Variants in PHC2 observed in about 807,000 individuals in gnomAD.
The protein encoded by PHC2 is polyhomeotic homolog 2, also known as polyhomeotic-like protein 2.
In PHC2, 29 loss-of-function variants were observed where a neutral mutation model predicts 87.4. That is an observed-to-expected ratio of 0.33 (90% confidence interval 0.25 to 0.45). The LOEUF is 0.45. Among genes scored for constraint, PHC2 ranks in the 20% least tolerant of loss-of-function variants. PHC2 has a pLI of 1.00. For synonymous variants in PHC2, 438 were observed against 461.7 expected, an observed-to-expected ratio of 0.95 and a Z score of 0.66; for missense variants, 857 against 1,136.7, an observed-to-expected ratio of 0.75 and a Z score of 3.54.
In PHC2 at chr1:33,370,542, C is replaced by T. The variant is rs1201944638; in HGVS notation, c.455G>A (p.Arg152Gln). 1.1e-5 allele frequency: 18 copies of T among 1,613,766 alleles called. No homozygotes were observed. The highest frequency in any genetic ancestry group is 5.3e-5 in the African/African-American group (4 of 74,918). Residue 152 changes from arginine to glutamine, a missense_variant, in exon 5 of 15, where the codon CGG (arginine) becomes CAG (glutamine). Arg to Gln is a conservative substitution (Grantham distance 43). Transcript: ENST00000683057. ...TGCTGCAGAGTTCACACTCTGGGCC[C>T]GGTTGAGGAGCTGGGCTGCTGCTGG... Reference protein sequence around the residue: ...ASPAAAQLLNRAQSVNSAAAS... With the variant: ...ASPAAAQLLNQAQSVNSAAAS...
At chr1:33,387,354 T>C (rs1648816144) in intron 1 of PHC2, among the ~76,000 whole-genome samples, 2 of 152,204 alleles carry the variant, frequency 1.3e-5, no homozygotes, top group African/African-American at 4.8e-5. Flanking sequence ...CCCTTGGAGT[T>C]TCCCTTTACA....
chr1:33,328,863 G>GCCTT lies in PHC2; in HGVS notation c.2425+3_2425+6dup. On this transcript the variant is annotated splice_region_variant and intron_variant, in intron 14 of 14. Coordinates refer to ENST00000683057, the MANE Select transcript of PHC2 (RefSeq NM_001385109.1). The stretch of plus-strand genomic sequence containing the variant: ...CCGGGGAGACATGGAATTTCCAAGG[G>GCCTT]CCTTACCTGGCAGAGAGCGGATGAA... The GCCTT allele has an allele frequency of 5.0e-6, 8 of 1,599,746 alleles. No individual in the cohort carries two copies. The highest frequency in any genetic ancestry group is 6.8e-6 in the Non-Finnish European group (8 of 1,168,794).
At chr1:33,398,958 G>A (rs1031551822) in intron 1 of PHC2, among the ~76,000 whole-genome samples, 6 of 152,078 alleles carry the variant, frequency 3.9e-5, no homozygotes, top group South Asian at 2.1e-4. Flanking sequence ...AAAAAGACAC[G>A]GTTTCTTTCT....
intron 1 of PHC2, among the ~76,000 whole-genome samples, chr1:33,402,392 G>A (rs919486467): frequency 6.6e-6 from 1 of 152,110 alleles, no homozygotes; most frequent in African/African-American, 2.4e-5. Context: ...TCACAATAGA[G>A]TTGAACATAC....
chr1:33,402,965 C>T (rs1042272491), intron 1 of PHC2, among the ~76,000 whole-genome samples: 5 of 151,818 alleles, frequency 3.3e-5, no homozygotes, highest in Admixed American at 1.3e-4. Flanking sequence ...CCTGCCACCA[C>T]GCCCGACTTT....
Position 33,324,652 on chromosome 1 carries a change from T to A in PHC2, c.*213A>T, listed in dbSNP as rs144481598. ...CAATATTTACAAGCATAAAGCCCCA[T>A]CTTCTGTGCCACCTACCTCTCTGCC... On this transcript the variant is annotated 3_prime_UTR_variant, in exon 15 of 15. Transcript: ENST00000683057. The A allele has an allele frequency of 7.6e-5, 37 of 487,084 alleles. 1 individual carries two copies. In the East Asian group the frequency reaches 1.0e-3, roughly 14 times the overall value. 30.2% of individuals were successfully genotyped at this position (487,084 alleles called of 1,614,324 possible).
intron 9 of PHC2, among the ~76,000 whole-genome samples, chr1:33,335,996 G>GT (rs200111745): frequency 0.093 from 13,576 of 146,426 alleles, 879 homozygotes; most frequent in East Asian, 0.26. Context: ...TGTTGTTGTT[G>GT]TTTTTTTTTT....
intron 1 of PHC2, among the ~76,000 whole-genome samples, chr1:33,390,976 G>A (rs954378329): frequency 2.0e-5 from 3 of 152,072 alleles, no homozygotes; most frequent in South Asian, 2.1e-4. Context: ...TTGGGACTTC[G>A]GAAATGGGGA....
chr1:33,348,933 G>A, intron 9 of PHC2: 1 of 322,968 alleles, frequency 3.1e-6, no homozygotes, highest in Non-Finnish European at 4.5e-6. Context: ...AGATGGTAGC[G>A]TCGCCACTGG....
chr1:33,426,348 G>A (rs1235385514), intron 1 of PHC2, among the ~76,000 whole-genome samples: 2 of 152,046 alleles, frequency 1.3e-5, no homozygotes, highest in Non-Finnish European at 2.9e-5. Context: ...AGGGTCAAAG[G>A]GTGGCATCAA....
At chr1:33,356,564 C>T (rs1307382224) in intron 7 of PHC2, among the ~76,000 whole-genome samples, 1 of 151,812 alleles carries the variant, frequency 6.6e-6, no homozygotes, top group African/African-American at 2.4e-5. Flanking sequence ...ATCCATTTAA[C>T]CCTGAGTGGA....
Position 33,367,423 on chromosome 1 carries a change from C to T in PHC2, c.669G>A (p.Gln223=). Residue 223 remains glutamine, a synonymous_variant, in exon 7 of 15, where the codon CAG becomes CAA. Transcript: ENST00000683057. ...PARPPTPAQV[Q]NLTLRTQQTP... ...TCTGCTGTGTTCGGAGGGTCAAGTT[C>T]TGTACCTGGAAAAGAGGGGTCTGTG... 1 of 1,555,648 alleles carries T rather than the reference C, an allele frequency of 6.4e-7. No individual in the cohort carries two copies. Among genetic ancestry groups the T allele is most frequent in the Non-Finnish European group, 8.7e-7 (1 of 1,147,106 alleles).
At chr1:33,354,380 G>A (rs1647028058) in intron 9 of PHC2, 21 bp downstream of exon 9, 1 of 1,593,988 alleles carries the variant, frequency 6.3e-7, no homozygotes, top group African/African-American at 1.3e-5. Flanking sequence ...CCCTCCCCCA[G>A]GGCCCCACTG....
Position 33,364,422 on chromosome 1 carries a change from A to ACACACACACACG in PHC2, c.976+2693_976+2694insCGTGTGTGTGTG, listed in dbSNP as rs1276306678. On this transcript the variant is annotated intron_variant, in intron 7 of 14. Transcript: ENST00000683057. The surrounding 1 kb of genome is among the most constrained non-coding windows in gnomAD (Gnocchi z 4.1). ...CACACACACACACACACACACACAC[A>ACACACACACACG]CACGCTCAAGCACGCTCTTCTCTCC... Among the ~76,000 whole-genome samples, 52 of 149,742 alleles carry ACACACACACACG rather than the reference A, an allele frequency of 3.5e-4. No individual in the cohort carries two copies. Among genetic ancestry groups the ACACACACACACG allele is most frequent in the East Asian group, 2.3e-3 (11 of 4,888 alleles).
intron 1 of PHC2, among the ~76,000 whole-genome samples, chr1:33,386,629 T>C (rs1364464862): frequency 6.6e-6 from 1 of 152,066 alleles, no homozygotes; most frequent in East Asian, 1.9e-4. Flanking sequence ...CAGGAGTTCA[T>C]GACCAGCCAG....
intron 9 of PHC2, among the ~76,000 whole-genome samples, chr1:33,338,939 C>T (rs1392432782): frequency 1.3e-5 from 2 of 152,172 alleles, no homozygotes; most frequent in Non-Finnish European, 2.9e-5. Flanking sequence ...CCAAGTATTC[C>T]GGTCAGAATG....
chr1:33,429,292 A>G (rs964708040), intron 1 of PHC2, among the ~76,000 whole-genome samples: 1 of 152,222 alleles, frequency 6.6e-6, no homozygotes, highest in African/African-American at 2.4e-5. Context: ...TAAGAAAAAT[A>G]TCACTGGACA....
Position 33,323,954 on chromosome 1 carries a change from T to A in PHC2, c.*911A>T, listed in dbSNP as rs1646318772. The stretch of plus-strand genomic sequence containing the variant: ...AGCCTCACCACTGGGACTCCCAGGG[T>A]GGGCGGGCAGGCAGGCCAGGAGGCT... On this transcript the variant is annotated 3_prime_UTR_variant, in exon 15 of 15. Coordinates refer to ENST00000683057, the MANE Select transcript of PHC2 (RefSeq NM_001385109.1). 1 of 152,290 alleles carries A rather than the reference T, an allele frequency of 6.6e-6. No individual in the cohort carries two copies. Among genetic ancestry groups the A allele is most frequent in the African/African-American group, 2.4e-5 (1 of 41,462 alleles). The allele number at this position is 152,290 out of a possible 1,614,324, so 9.4% of individuals were successfully genotyped here. A position where few individuals can be genotyped will look rare whatever the true frequency, so the allele number is the denominator to read the frequency against.
In PHC2 at chr1:33,382,008, G is replaced by C. The variant is rs114299228; in HGVS notation, c.-54-6415C>G. ...TCAGGAAACCTCCTGCCCGCATGGT[G>C]GTGGTGACTTATCAACGAGAGAGGT... On this transcript the variant is annotated intron_variant, in intron 1 of 14. Coordinates refer to ENST00000683057, the MANE Select transcript of PHC2 (RefSeq NM_001385109.1). This position sits in a 1 kb window ranked among gnomAD's most constrained non-coding sequence, Gnocchi z 4.3. 6.0e-3 allele frequency among the ~76,000 whole-genome samples: 917 copies of C among 152,138 alleles called. 6 individuals are homozygous for C. Among genetic ancestry groups the C allele is most frequent in the Middle Eastern group, 0.041 (12 of 294 alleles).
Sources: allele counts gnomAD v4.1 joint callset (sites outside exome capture counted in the v4.1 genomes callset), GRCh38; gene constraint gnomAD v4.1.1; non-coding constraint Gnocchi (gnomAD v3.1); transcripts MANE v1.5; gene names NCBI Gene and HGNC (gene_info 2026-07-23, HGNC 2026-07-21).